EYS: variants seen among roughly 807,000 people sequenced by gnomAD.
EYS encodes EGF-like photoreceptor maintenance factor.
EYS carries 250 observed loss-of-function variants against 282.1 expected under a neutral mutation model. The observed-to-expected ratio is 0.89, with a 90% CI of 0.80 to 0.98. The LOEUF is 0.98. Ranked by LOEUF, EYS falls within the 50% of genes least tolerant of loss-of-function variation. The pLI is 0.00. For missense variants in EYS, 4,016 were observed against 3,709.0 expected, an observed-to-expected ratio of 1.08 and a Z score of -2.15; for synonymous variants, 1,355 against 1,282.9, an observed-to-expected ratio of 1.06 and a Z score of -1.20.
chr6:65,168,395 C>A (rs989923340), intron 12 of EYS, among the ~76,000 whole-genome samples: 3 of 151,152 alleles, frequency 2.0e-5, no homozygotes, highest in African/African-American at 7.3e-5. Context: ...AAATTTATTT[C>A]TATTTCATTC....
chr6:65,143,551 C>T (rs899742921), intron 12 of EYS, among the ~76,000 whole-genome samples: 9 of 151,904 alleles, frequency 5.9e-5, no homozygotes, highest in Non-Finnish European at 1.3e-4. Flanking sequence ...GTATATAAAA[C>T]ATTTAGCACA....
intron 7 of EYS, among the ~76,000 whole-genome samples, chr6:65,396,764 T>G (rs1370478340): frequency 6.6e-6 from 1 of 152,054 alleles, no homozygotes. Flanking sequence ...TTAGACATTT[T>G]TGCTTATTTC....
chr6:65,198,858 C>T (rs1279604852), intron 12 of EYS, among the ~76,000 whole-genome samples: 1 of 152,004 alleles, frequency 6.6e-6, no homozygotes. Context: ...GCAGCAGAGA[C>T]ATTAGGACTA....
intron 22 of EYS, among the ~76,000 whole-genome samples, chr6:64,669,221 C>T (rs1445127063): frequency 1.3e-5 from 2 of 152,080 alleles, no homozygotes; most frequent in East Asian, 3.9e-4. Flanking sequence ...TTGATATTGA[C>T]CACATAACAA....
chr6:64,150,804 C>A (rs1051540847), intron 31 of EYS, among the ~76,000 whole-genome samples: 1 of 151,986 alleles, frequency 6.6e-6, no homozygotes, highest in African/African-American at 2.4e-5. Context: ...GAGACCCTCT[C>A]GATGTCAAGA....
At chr6:63,750,455 C>T (rs966747808) in intron 41 of EYS, among the ~76,000 whole-genome samples, 2 of 152,168 alleles carry the variant, frequency 1.3e-5, no homozygotes, top group South Asian at 2.1e-4. Flanking sequence ...CTTCTAATCT[C>T]TTACTCTCCT....
intron 26 of EYS, among the ~76,000 whole-genome samples, chr6:64,472,609 T>C (rs1776152253): frequency 6.6e-6 from 1 of 152,168 alleles, no homozygotes; most frequent in Non-Finnish European, 1.5e-5. Flanking sequence ...AGAAACCATG[T>C]AAATATTTCA....
chr6:65,665,705 G>A (rs997022951), intron 1 of EYS, among the ~76,000 whole-genome samples: 2 of 152,014 alleles, frequency 1.3e-5, no homozygotes, highest in South Asian at 2.1e-4. Context: ...TACCCTTCAT[G>A]ATTTGTATGG....
intron 22 of EYS, among the ~76,000 whole-genome samples, chr6:64,738,129 A>G (rs539949776): frequency 6.6e-6 from 1 of 152,198 alleles, no homozygotes; most frequent in African/African-American, 2.4e-5. Flanking sequence ...TGTAATTTAG[A>G]TATTTGTCCC....
intron 11 of EYS, among the ~76,000 whole-genome samples, chr6:65,313,921 C>T (rs951431819): frequency 2.2e-4 from 34 of 152,184 alleles, no homozygotes; most frequent in Non-Finnish European, 7.3e-5. Context: ...CTATAATGGC[C>T]TGCAAGGTGG....
chr6:65,052,381 C>T (rs1179489876), intron 13 of EYS, among the ~76,000 whole-genome samples: 2 of 151,580 alleles, frequency 1.3e-5, no homozygotes, highest in East Asian at 1.9e-4. Flanking sequence ...CTACTTAATA[C>T]ATTTTGTATA....
At chr6:64,633,712 C>A (rs1420760904) in intron 22 of EYS, among the ~76,000 whole-genome samples, 1 of 151,474 alleles carries the variant, frequency 6.6e-6, no homozygotes, top group Non-Finnish European at 1.5e-5. Flanking sequence ...GTTTGGATCT[C>A]TTGTGCAGGC....
intron 22 of EYS, among the ~76,000 whole-genome samples, chr6:64,665,431 TTAGAC>T (rs1391834755): frequency 6.6e-6 from 1 of 152,196 alleles, no homozygotes; most frequent in East Asian, 1.9e-4. Context: ...CTTTTTTTGT[TTAGAC>T]TATGTTTTAG....
rs115313878 is a variant in EYS at position 64,836,836 on chromosome 6, C to T, written c.2993-14014G>A. On this transcript the variant is annotated intron_variant, in intron 19 of 42. Coordinates refer to ENST00000503581, the MANE Select transcript of EYS (RefSeq NM_001142800.2). ...AAATTTCACACATTTCTGTGAAATT[C>T]CACTTTTGAAATGTGCCTAGGAAGA... is the stretch of plus-strand genomic sequence containing the variant. Among the ~76,000 whole-genome samples, 828 of 151,626 alleles carry T rather than the reference C, an allele frequency of 5.5e-3. 19 individuals are homozygous for T. The highest frequency in any genetic ancestry group is 0.027 in the Middle Eastern group (8 of 294).
At chr6:64,276,396 A>T (rs897084316) in intron 30 of EYS, among the ~76,000 whole-genome samples, 7 of 152,228 alleles carry the variant, frequency 4.6e-5, no homozygotes, top group African/African-American at 1.7e-4. Context: ...CTGTCCATCA[A>T]TTCCAATGAG....
chr6:65,132,998 G>T (rs571274820), intron 12 of EYS, among the ~76,000 whole-genome samples: 10 of 151,992 alleles, frequency 6.6e-5, no homozygotes, highest in African/African-American at 2.4e-4. Flanking sequence ...TAGGAGTATA[G>T]CTAATCAGGG....
intron 22 of EYS, among the ~76,000 whole-genome samples, chr6:64,767,289 C>T (rs1055625470): frequency 6.6e-6 from 1 of 151,746 alleles, no homozygotes; most frequent in Non-Finnish European, 1.5e-5. Flanking sequence ...ATTTTAAATC[C>T]TCCTCTAGCT....
chr6:65,387,830 G>C (rs1000982315), intron 7 of EYS, among the ~76,000 whole-genome samples: 1 of 151,896 alleles, frequency 6.6e-6, no homozygotes, highest in Non-Finnish European at 1.5e-5. Context: ...TAATGTTTAA[G>C]TTGTAATTTT....
At chr6:65,218,143 C>T (rs1766363575) in intron 12 of EYS, among the ~76,000 whole-genome samples, 1 of 151,854 alleles carries the variant, frequency 6.6e-6, no homozygotes, top group African/African-American at 2.4e-5. Context: ...TTAATATTTT[C>T]CTTTAGTAAT....
Sources: allele counts gnomAD v4.1 joint callset (sites outside exome capture counted in the v4.1 genomes callset), GRCh38; gene constraint gnomAD v4.1.1; transcripts MANE v1.5; gene names NCBI Gene and HGNC (gene_info 2026-07-23, HGNC 2026-07-21).